MBD3L1: variants seen among roughly 807,000 people sequenced by gnomAD.
MBD3L1 encodes methyl-CpG binding domain protein 3 like 1.
For missense variants in MBD3L1, 203 were observed against 230.1 expected, an observed-to-expected ratio of 0.88 and a Z score of 0.76; for synonymous variants, 84 against 85.1, an observed-to-expected ratio of 0.99 and a Z score of 0.07.
At chr19:8,839,819 G>A (rs2044492691) in intron 1 of MBD3L1, among the ~76,000 whole-genome samples, 1 of 152,142 alleles carries the variant, frequency 6.6e-6, no homozygotes, top group African/African-American at 2.4e-5. Context: ...GGGGTCCCAG[G>A]AAGTTTAGGA....
chr19:8,842,706 C>T lies in MBD3L1; in HGVS notation c.28C>T (p.Arg10Cys), dbSNP rs375438740. 14 of 1,613,986 alleles carry T rather than the reference C, an allele frequency of 8.7e-6. No individual in the cohort carries two copies. Among genetic ancestry groups the T allele is most frequent in the African/African-American group, 5.3e-5 (4 of 74,928 alleles). The change falls in exon 3 of 3, where the codon CGT becomes TGT. Residue 10 changes from arginine to cysteine, a missense_variant. Coordinates refer to ENST00000595891, the MANE Select transcript of MBD3L1 (RefSeq NM_001393532.1). MAKSSQRKQ[R>C]DCVNQCKSKP... is the part of the protein sequence containing the mutation. ...GGCCAAGAGTTCACAGAGGAAGCAACGTGACTGTGTAAACCAATGCAAATC... is the reference window on the plus strand; with the variant it reads ...GGCCAAGAGTTCACAGAGGAAGCAATGTGACTGTGTAAACCAATGCAAATC...
At chr19:8,842,099 G>T (rs112610466) in intron 2 of MBD3L1, among the ~76,000 whole-genome samples, 1 of 152,044 alleles carries the variant, frequency 6.6e-6, no homozygotes, top group African/African-American at 2.4e-5. Context: ...AGGTCGAGGG[G>T]GGGTGGATCA....
At chr19:8,838,872 G>T (rs1309750597) in intron 1 of MBD3L1, among the ~76,000 whole-genome samples, 4 of 152,168 alleles carry the variant, frequency 2.6e-5, no homozygotes, top group Non-Finnish European at 5.9e-5. Context: ...CGTGAGGTGT[G>T]CAGATAAGGT....
chr19:8,839,659 C>A (rs952383415), intron 1 of MBD3L1, among the ~76,000 whole-genome samples: 3 of 152,080 alleles, frequency 2.0e-5, no homozygotes, highest in Admixed American at 6.6e-5. Flanking sequence ...GCCTTAGCAA[C>A]AGAAGCAGCT....
intron 1 of MBD3L1, among the ~76,000 whole-genome samples, chr19:8,835,691 T>C (rs1466309685): frequency 2.2e-5 from 2 of 89,318 alleles, no homozygotes; most frequent in African/African-American, 6.5e-5. Flanking sequence ...CCAAGAGAAA[T>C]GAAAACATGT....
At chr19:8,839,084 C>T (rs946292834) in intron 1 of MBD3L1, among the ~76,000 whole-genome samples, 7 of 152,026 alleles carry the variant, frequency 4.6e-5, no homozygotes, top group African/African-American at 1.7e-4. Context: ...TTCCAGAAAT[C>T]CAGTTCGTAC....
At chr19:8,836,441 T>C (rs542990228) in intron 1 of MBD3L1, among the ~76,000 whole-genome samples, 11 of 150,092 alleles carry the variant, frequency 7.3e-5, no homozygotes, top group Admixed American at 2.0e-4. Flanking sequence ...TCCTCCTCCT[T>C]CTTCTCTTCC....
chr19:8,840,659 G>A (rs566347288), intron 1 of MBD3L1, among the ~76,000 whole-genome samples: 18 of 152,206 alleles, frequency 1.2e-4, no homozygotes, highest in African/African-American at 4.3e-4. Context: ...ATGCTTATCA[G>A]GGATATTTGC....
At chr19:8,835,946 A>C (rs944035353) in intron 1 of MBD3L1, among the ~76,000 whole-genome samples, 52 of 152,250 alleles carry the variant, frequency 3.4e-4, no homozygotes, top group Admixed American at 3.3e-4. Context: ...AATTTAAATA[A>C]AATTTCCAGA....
chr19:8,842,309 G>A (rs1243670092), intron 2 of MBD3L1, among the ~76,000 whole-genome samples: 1 of 133,252 alleles, frequency 7.5e-6, no homozygotes, highest in African/African-American at 3.2e-5. Flanking sequence ...CCTGAGTGAC[G>A]GAGTGGGACA....
At position 8,842,788 on chromosome 19, in the gene MBD3L1, G is replaced by A; in HGVS notation, c.110G>A (p.Arg37Lys). ...AGAATGTCCAGTTACACATTCAAGA[G>A]GCCAGTAACGAGAATTACACCCCAT... ...PLRMSSYTFKRPVTRITPHPG... is the reference protein window; with the variant it reads ...PLRMSSYTFKKPVTRITPHPG... Residue 37 changes from arginine (R) to lysine (K), a missense_variant, in exon 3 of 3, where the codon AGG becomes AAG. Physicochemically the swap from Arg to Lys is conservative, Grantham distance 26. Coordinates refer to ENST00000595891, the MANE Select transcript of MBD3L1 (RefSeq NM_001393532.1). 3.1e-6 allele frequency: 5 copies of A among 1,614,206 alleles called. No homozygotes were observed. Among genetic ancestry groups the A allele is most frequent in the Non-Finnish European group, 4.2e-6 (5 of 1,180,038 alleles).
chr19:8,836,823 A>T (rs773771774), intron 1 of MBD3L1, among the ~76,000 whole-genome samples: 1 of 152,202 alleles, frequency 6.6e-6, no homozygotes, highest in Admixed American at 6.5e-5. Flanking sequence ...ACACCATCAC[A>T]TTATTAAATG....
At chr19:8,838,449 T>C (rs2044478096) in intron 1 of MBD3L1, among the ~76,000 whole-genome samples, 1 of 151,950 alleles carries the variant, frequency 6.6e-6, no homozygotes, top group African/African-American at 2.4e-5. Flanking sequence ...AGATAGTAAA[T>C]GTTTTGAAGG....
intron 1 of MBD3L1, among the ~76,000 whole-genome samples, chr19:8,840,002 C>T (rs1051990794): frequency 6.6e-6 from 1 of 151,780 alleles, no homozygotes; most frequent in East Asian, 1.9e-4. Flanking sequence ...GCCAACATGG[C>T]GAAACCCCAT....
chr19:8,832,716 C>A (rs530393603), intron 1 of MBD3L1, among the ~76,000 whole-genome samples, 194 bp downstream of exon 1: 1 of 150,512 alleles, frequency 6.6e-6, no homozygotes, highest in East Asian at 2.0e-4. Flanking sequence ...GGGCCCAGTT[C>A]TCGGGGCGGA....
intron 2 of MBD3L1, among the ~76,000 whole-genome samples, chr19:8,841,650 G>A (rs1040724878): frequency 5.9e-5 from 9 of 152,040 alleles, no homozygotes; most frequent in Non-Finnish European, 8.8e-5. Context: ...TCCAGCTCCC[G>A]GGTTCAAGCT....
At position 8,842,736 on chromosome 19, in the gene MBD3L1, C is replaced by A; in HGVS notation, c.58C>A (p.Pro20Thr). ...RDCVNQCKSK[P>T]GLSTSIPLRM... ...CTGTGTAAACCAATGCAAATCAAAGCCTGGCTTGAGCACCTCAATCCCTTT... is the reference window on the plus strand; with the variant it reads ...CTGTGTAAACCAATGCAAATCAAAGACTGGCTTGAGCACCTCAATCCCTTT... The change falls in exon 3 of 3, where the codon CCT (proline) becomes ACT (threonine). Residue 20 changes from proline (P) to threonine (T), a missense_variant. By Grantham distance (38) the Pro-to-Thr change is conservative (BLOSUM62 -1). Coordinates refer to ENST00000595891, the MANE Select transcript of MBD3L1 (RefSeq NM_001393532.1). The A allele has an allele frequency of 6.2e-7, 1 of 1,614,220 alleles. No individual in the cohort carries two copies.
intron 2 of MBD3L1, among the ~76,000 whole-genome samples, chr19:8,841,306 A>T (rs914279198): frequency 6.6e-6 from 1 of 151,574 alleles, no homozygotes; most frequent in Non-Finnish European, 1.5e-5. Flanking sequence ...TGCTGAGATT[A>T]CAGGCGTGGA....
intron 1 of MBD3L1, among the ~76,000 whole-genome samples, chr19:8,839,024 T>C (rs2044483364): frequency 6.6e-6 from 1 of 152,182 alleles, no homozygotes; most frequent in African/African-American, 2.4e-5. Context: ...ACTTATCTTA[T>C]TAGGACTCCA....
Sources: gnomAD v4.1 joint callset for allele counts (sites outside exome capture counted in the v4.1 genomes callset) on GRCh38, gnomAD v4.1.1 for gene constraint, MANE v1.5 for transcripts, NCBI Gene and HGNC (gene_info 2026-07-23, HGNC 2026-07-21) for gene names.